Variants in PPP3CA observed in about 807,000 individuals in gnomAD.
PPP3CA encodes protein phosphatase 3 catalytic subunit alpha, also known as CAM-PRP catalytic subunit.
Under a neutral mutation model 66.5 loss-of-function variants are expected in PPP3CA, and 14 were observed. The observed-to-expected ratio is 0.21, with a 90% CI of 0.14 to 0.33. PPP3CA has a LOEUF of 0.33. PPP3CA is among the 10% of genes least tolerant of loss of function. PPP3CA has a pLI of 1.00. For synonymous variants in PPP3CA, 232 were observed against 226.2 expected (o/e 1.03, Z -0.23); for missense variants, 317 against 639.5 (o/e 0.50, Z 5.44).
chr4:101,244,471 G>A (rs745627216), intron 1 of PPP3CA, among the ~76,000 whole-genome samples: 3 of 152,114 alleles, frequency 2.0e-5, no homozygotes, highest in Non-Finnish European at 1.5e-5. Context: ...CCAAGAGCAT[G>A]TAACATGCTG....
chr4:101,156,318 T>C (rs1195173008), intron 2 of PPP3CA, among the ~76,000 whole-genome samples: 1 of 151,806 alleles, frequency 6.6e-6, no homozygotes, highest in Admixed American at 6.6e-5. Flanking sequence ...CAAGAGAGAT[T>C]AAAGAAACAG....
At chr4:101,190,292 G>A (rs1008415758) in intron 2 of PPP3CA, among the ~76,000 whole-genome samples, 5 of 152,040 alleles carry the variant, frequency 3.3e-5, no homozygotes, top group Admixed American at 1.3e-4. Context: ...TAATAATTCT[G>A]GGGATGTTTA....
chr4:101,117,310 A>G (rs1018008575), intron 2 of PPP3CA, among the ~76,000 whole-genome samples: 4 of 151,904 alleles, frequency 2.6e-5, no homozygotes, highest in African/African-American at 9.7e-5. Flanking sequence ...GTTAAAAACT[A>G]TTTTATCAAA....
At chr4:101,293,683 C>G (rs1728102968) in intron 1 of PPP3CA, among the ~76,000 whole-genome samples, 1 of 152,184 alleles carries the variant, frequency 6.6e-6, no homozygotes, top group African/African-American at 2.4e-5. Flanking sequence ...GAAGAGACAT[C>G]CAGAGGCCCA....
chr4:101,098,603 G>T, intron 4 of PPP3CA, 91 bp from the exon 5 acceptor site: 1 of 1,240,340 alleles, frequency 8.1e-7, no homozygotes, highest in Non-Finnish European at 1.1e-6. Context: ...TTTCTTGCTA[G>T]GACCCTATTA....
chr4:101,258,771 C>A (rs1726921773), intron 1 of PPP3CA, among the ~76,000 whole-genome samples: 1 of 152,220 alleles, frequency 6.6e-6, no homozygotes, highest in African/African-American at 2.4e-5. Flanking sequence ...TCAAGCTTGA[C>A]AATGAAGTCC....
intron 2 of PPP3CA, among the ~76,000 whole-genome samples, chr4:101,163,633 T>C (rs1032986482): frequency 1.3e-5 from 2 of 152,158 alleles, no homozygotes; most frequent in Non-Finnish European, 2.9e-5. Context: ...CTTCTCTTTC[T>C]ACTCTTCACA....
At chr4:101,291,304 A>AG (rs1182628839) in intron 1 of PPP3CA, among the ~76,000 whole-genome samples, 1 of 152,204 alleles carries the variant, frequency 6.6e-6, no homozygotes, top group East Asian at 1.9e-4. Flanking sequence ...GATGTTGTTT[A>AG]ATCCACTCTG....
chr4:101,107,127 CT>C (rs753434016), intron 3 of PPP3CA, among the ~76,000 whole-genome samples: 6 of 152,342 alleles, frequency 3.9e-5, no homozygotes, highest in African/African-American at 7.2e-5. Context: ...TTCCTCTGTA[CT>C]TTTGCTCACT....
At position 101,141,980 on chromosome 4, in the gene PPP3CA, C is replaced by T. The variant is rs188663944; in HGVS notation, c.260-32902G>A. On this transcript the variant is annotated intron_variant, in intron 2 of 13. Transcript: ENST00000394854. ...ACAATAAAACTTAACATTAGCATGT[C>T]AATGGAGGATGATAGGAAAAGGCAC... Among the ~76,000 whole-genome samples the T allele has an allele frequency of 2.3e-3, 343 of 150,424 alleles. 1 individual carries two copies. The highest frequency in any genetic ancestry group is 5.7e-3 in the Admixed American group (85 of 15,032).
intron 2 of PPP3CA, among the ~76,000 whole-genome samples, chr4:101,140,380 G>A (rs1038738161): frequency 2.0e-5 from 3 of 152,016 alleles, no homozygotes; most frequent in Non-Finnish European, 4.4e-5. Context: ...ACAGATCTCA[G>A]CAGCCCAGTG....
At chr4:101,027,801 G>T (rs566653624) in intron 13 of PPP3CA, among the ~76,000 whole-genome samples, 46 of 152,178 alleles carry the variant, frequency 3.0e-4, no homozygotes, top group African/African-American at 1.0e-3. Context: ...CTAGAACAAT[G>T]GATACTTCTG....
chr4:101,029,136 G>T, intron 13 of PPP3CA, 30 bp downstream of exon 13: 1 of 1,559,916 alleles, frequency 6.4e-7, no homozygotes, highest in Non-Finnish European at 8.8e-7. Flanking sequence ...TCTGTTGCAG[G>T]TACAACAGAA....
chr4:101,327,945 A>C (rs924803196), intron 1 of PPP3CA, among the ~76,000 whole-genome samples: 4 of 152,218 alleles, frequency 2.6e-5, no homozygotes, highest in Admixed American at 6.5e-5. Context: ...AACCAAAAAA[A>C]ATATATTTGA....
intron 1 of PPP3CA, among the ~76,000 whole-genome samples, chr4:101,251,496 C>A (rs1237461979): frequency 6.6e-6 from 1 of 152,044 alleles, no homozygotes; most frequent in Non-Finnish European, 1.5e-5. Context: ...TTGGATCCAA[C>A]AATGACTAGT....
chr4:101,095,684 C>A (rs187295052), intron 5 of PPP3CA, among the ~76,000 whole-genome samples: 1,963 of 152,224 alleles, frequency 0.013, 21 homozygotes, highest in Non-Finnish European at 0.021. Context: ...CGGAGTCTCC[C>A]TGTGTCACTC....
intron 10 of PPP3CA, among the ~76,000 whole-genome samples, chr4:101,053,061 G>C (rs1044395008): frequency 2.0e-5 from 3 of 151,912 alleles, no homozygotes; most frequent in Non-Finnish European, 4.4e-5. Flanking sequence ...GACCATATGT[G>C]TTCTGTTCAT....
chr4:101,345,362 G>C (rs1729948109), intron 1 of PPP3CA, among the ~76,000 whole-genome samples: 1 of 152,200 alleles, frequency 6.6e-6, no homozygotes. Flanking sequence ...CATGGTCTTT[G>C]GGCTGCTGGG....
rs187396939 is a variant in PPP3CA at position 101,211,128 on chromosome 4, A to G, written c.59-15012T>C. ...CCAAAACCCAGGCACAGAGAAATGA[A>G]ATGACTTTGCCAAGATCGCACAGCA... On this transcript the variant is annotated intron_variant, in intron 1 of 13. Coordinates refer to ENST00000394854, the MANE Select transcript of PPP3CA (RefSeq NM_000944.5). Among the ~76,000 whole-genome samples, 137 of 152,344 alleles carry G rather than the reference A, an allele frequency of 9.0e-4. 1 individual carries two copies. Among genetic ancestry groups the G allele is most frequent in the Admixed American group, 3.0e-3 (46 of 15,286 alleles).
Sources: allele counts gnomAD v4.1 joint callset (sites outside exome capture counted in the v4.1 genomes callset), GRCh38; gene constraint gnomAD v4.1.1; transcripts MANE v1.5; gene names NCBI Gene and HGNC (gene_info 2026-07-23, HGNC 2026-07-21).